Variants in ZNF438 observed in about 807,000 individuals in gnomAD.
ZNF438 encodes the protein zinc finger protein 438.
ZNF438 carries 25 observed loss-of-function variants against 38.0 expected under a neutral mutation model. The observed-to-expected ratio is 0.66, with a 90% CI of 0.48 to 0.92. The LOEUF (loss-of-function observed/expected upper bound fraction) is 0.92. Among genes scored for constraint, ZNF438 ranks in the 40% least tolerant of loss-of-function variants. The pLI, the probability that ZNF438 is intolerant of heterozygous loss-of-function variation, is 0.00. For synonymous variants in ZNF438, 372 were observed against 364.1 expected, an observed-to-expected ratio of 1.02 and a Z score of -0.25; for missense variants, 1,007 against 999.6, an observed-to-expected ratio of 1.01 and a Z score of -0.10.
At chr10:30,983,184 G>C (rs2052403945) in intron 1 of ZNF438, among the ~76,000 whole-genome samples, 1 of 152,238 alleles carries the variant, frequency 6.6e-6, no homozygotes, top group South Asian at 2.1e-4. Flanking sequence ...AAGTATCAAA[G>C]AGAAAGCCTG....
At chr10:30,945,392 T>A (rs1272450489) in intron 1 of ZNF438, among the ~76,000 whole-genome samples, 4 of 151,676 alleles carry the variant, frequency 2.6e-5, no homozygotes, top group African/African-American at 7.3e-5. Context: ...CTTTTACTTT[T>A]TTTTTTTTTA....
In ZNF438 at chr10:30,940,686, T is replaced by C. The variant is rs182817966; in HGVS notation, c.-115+889A>G. Among the ~76,000 whole-genome samples the C allele has an allele frequency of 1.9e-3, 287 of 152,256 alleles. 2 individuals are homozygous for C. The highest frequency in any genetic ancestry group is 0.01 in the Middle Eastern group (3 of 294). ...AGCGTTTTAAAATTACTAAAAGTGGTTCTATATGCAGGTTTATCTAACAAT... is the reference window on the plus strand; with the variant it reads ...AGCGTTTTAAAATTACTAAAAGTGGCTCTATATGCAGGTTTATCTAACAAT... On this transcript the variant is annotated intron_variant, in intron 2 of 5. Transcript: ENST00000413025.
chr10:30,947,956 T>TGCAGAAATCAC (rs1361533935), intron 1 of ZNF438, among the ~76,000 whole-genome samples: 1 of 152,192 alleles, frequency 6.6e-6, no homozygotes, highest in African/African-American at 2.4e-5. Flanking sequence ...CAGATGGAAA[T>TGCAGAAATCAC]GCAGAAATCA....
At chr10:30,866,081 C>T (rs2036380723) in intron 4 of ZNF438, among the ~76,000 whole-genome samples, 1 of 152,162 alleles carries the variant, frequency 6.6e-6, no homozygotes, top group South Asian at 2.1e-4. Context: ...CACTGTGGTA[C>T]TCTCACAGTG....
intron 1 of ZNF438, among the ~76,000 whole-genome samples, chr10:30,992,551 T>C (rs1401503336): frequency 1.3e-5 from 2 of 152,164 alleles, no homozygotes; most frequent in Non-Finnish European, 2.9e-5. Context: ...TAGCTGGGAT[T>C]ACAGGCATGC....
chr10:30,974,622 G>T (rs1198544034), intron 1 of ZNF438, among the ~76,000 whole-genome samples: 1 of 152,168 alleles, frequency 6.6e-6, no homozygotes, highest in Non-Finnish European at 1.5e-5. Context: ...ATAAACATGT[G>T]AGCCATATAT....
intron 2 of ZNF438, among the ~76,000 whole-genome samples, chr10:30,915,715 C>T (rs2043552725): frequency 6.6e-6 from 1 of 151,960 alleles, no homozygotes; most frequent in Non-Finnish European, 1.5e-5. Flanking sequence ...CCACAGCATC[C>T]TGAGAATTTT....
At chr10:30,981,839 T>C (rs900429684) in intron 1 of ZNF438, among the ~76,000 whole-genome samples, 14 of 151,248 alleles carry the variant, frequency 9.3e-5, no homozygotes, top group Admixed American at 6.6e-4. Context: ...GATTGTGCCA[T>C]TGCACGCCAG....
intron 4 of ZNF438, among the ~76,000 whole-genome samples, chr10:30,872,767 A>AAAAAG (rs2037689924): frequency 6.6e-6 from 1 of 151,356 alleles, no homozygotes; most frequent in African/African-American, 2.4e-5. Context: ...AAAAAAAAAA[A>AAAAAG]GAATTGACTC....
chr10:30,865,785 C>G (rs2036321618), intron 4 of ZNF438, among the ~76,000 whole-genome samples: 1 of 152,190 alleles, frequency 6.6e-6, no homozygotes, highest in Non-Finnish European at 1.5e-5. Context: ...TTTGGTGTTT[C>G]TATTTATTAT....
intron 2 of ZNF438, among the ~76,000 whole-genome samples, chr10:30,916,058 A>AAACAGT (rs1241025945): frequency 3.3e-5 from 5 of 152,020 alleles, no homozygotes; most frequent in African/African-American, 1.2e-4. Context: ...AACTTCTGAG[A>AAACAGT]AACAGTCTCA....
rs1564492888 is a variant in ZNF438 at position 30,853,868 on chromosome 10, G to A, written c.38-3501C>T. ...AAATTAGCCGAGTGTGGTGGCAAGT[G>A]CCTGTAATCCCAGCTACTTGGGAGG... On this transcript the variant is annotated intron_variant, in intron 4 of 5. Coordinates refer to ENST00000413025, the Ensembl canonical transcript of ZNF438. Among the ~76,000 whole-genome samples, 5 of 152,296 alleles carry A rather than the reference G, an allele frequency of 3.3e-5. No individual in the cohort carries two copies. The South Asian group carries it at 1.0e-3, about 32-fold the overall frequency.
intron 1 of ZNF438, among the ~76,000 whole-genome samples, chr10:30,996,793 C>T (rs756493293): frequency 3.9e-5 from 6 of 152,054 alleles, no homozygotes; most frequent in Non-Finnish European, 8.8e-5. Flanking sequence ...AGACCACATG[C>T]TAGGCCATAA....
intron 3 of ZNF438, among the ~76,000 whole-genome samples, chr10:30,886,443 T>C (rs11008297): frequency 0.043 from 6,474 of 152,314 alleles, 219 homozygotes; most frequent in East Asian, 0.13. Context: ...CTTCAACTTA[T>C]GATGGGGCTA....
intron 3 of ZNF438, among the ~76,000 whole-genome samples, chr10:30,885,033 T>A (rs1301273661): frequency 6.6e-6 from 1 of 152,240 alleles, no homozygotes. Context: ...GCGATGTAGA[T>A]GTCAATCTAG....
chr10:30,870,780 T>A (rs1373309097), intron 4 of ZNF438, among the ~76,000 whole-genome samples: 1 of 152,242 alleles, frequency 6.6e-6, no homozygotes, highest in Non-Finnish European at 1.5e-5. Flanking sequence ...ATTTGCTAAT[T>A]CAGTGTTCCT....
intron 1 of ZNF438, among the ~76,000 whole-genome samples, chr10:30,951,859 A>G (rs1272855338): frequency 6.6e-6 from 1 of 151,644 alleles, no homozygotes; most frequent in African/African-American, 2.4e-5. Flanking sequence ...CATCCCCATC[A>G]AGCTACCAAT....
At chr10:30,929,478 G>C (rs111374917) in intron 2 of ZNF438, among the ~76,000 whole-genome samples, 1,712 of 152,354 alleles carry the variant, frequency 0.011, 24 homozygotes, top group African/African-American at 0.038. Context: ...TGAAGCTGCA[G>C]ATCTTCGCGG....
intron 3 of ZNF438, among the ~76,000 whole-genome samples, chr10:30,896,160 G>A (rs539410017): frequency 5.1e-4 from 78 of 152,200 alleles, no homozygotes; most frequent in African/African-American, 1.8e-3. Flanking sequence ...GCTGGGCATA[G>A]TGACGGGCAC....
Sources: allele counts gnomAD v4.1 joint callset (sites outside exome capture counted in the v4.1 genomes callset), GRCh38; gene constraint gnomAD v4.1.1; transcripts MANE v1.5; gene names NCBI Gene and HGNC (gene_info 2026-07-23, HGNC 2026-07-21).